FAT3: variants seen among roughly 807,000 people sequenced by gnomAD.
FAT3 encodes FAT atypical cadherin 3.
FAT3 carries 95 observed loss-of-function variants against 310.2 expected under a neutral mutation model. The ratio of observed to expected loss-of-function variants is 0.31; its 90% CI spans 0.26 to 0.36. FAT3 has a LOEUF of 0.36. Among genes scored for constraint, FAT3 ranks in the 10% least tolerant of loss-of-function variants. The probability of loss-of-function intolerance (pLI) is 1.00; values close to 1 mark genes in which losing one functional copy is unlikely to be tolerated. For synonymous variants in FAT3, 2,314 were observed against 2,192.9 expected (o/e 1.06, Z -1.54); for missense variants, 5,408 against 5,715.6 (o/e 0.95, Z 1.74).
At chr11:92,586,335 G>A (rs1939156003) in intron 3 of FAT3, among the ~76,000 whole-genome samples, 1 of 151,948 alleles carries the variant, frequency 6.6e-6, no homozygotes, top group African/African-American at 2.4e-5. Context: ...ACAGCCTGCA[G>A]TCTTAAAAAA....
intron 1 of FAT3, among the ~76,000 whole-genome samples, chr11:92,268,633 G>A (rs1046595036): frequency 6.6e-6 from 1 of 151,944 alleles, no homozygotes; most frequent in African/African-American, 2.4e-5. Flanking sequence ...TTAATCTCTG[G>A]TTGCTCTTCT....
intron 4 of FAT3, among the ~76,000 whole-genome samples, chr11:92,753,769 C>T (rs1361534295): frequency 8.5e-6 from 1 of 118,272 alleles, no homozygotes; most frequent in Non-Finnish European, 1.7e-5. Flanking sequence ...GATAAAGAAA[C>T]TGTGGTGTGT....
chr11:92,484,781 C>T (rs1952327144), intron 2 of FAT3, among the ~76,000 whole-genome samples: 1 of 152,218 alleles, frequency 6.6e-6, no homozygotes, highest in Non-Finnish European at 1.5e-5. Flanking sequence ...TACGCTGCAT[C>T]TTCAGCTAAT....
At chr11:92,870,457 C>T (rs569644025) in intron 22 of FAT3, among the ~76,000 whole-genome samples, 6 of 152,170 alleles carry the variant, frequency 3.9e-5, no homozygotes, top group African/African-American at 1.4e-4. Flanking sequence ...AAGGCTCTCT[C>T]TCGGTAAAGC....
At chr11:92,342,681 T>C (rs1326111725) in intron 1 of FAT3, among the ~76,000 whole-genome samples, 1 of 152,208 alleles carries the variant, frequency 6.6e-6, no homozygotes, top group East Asian at 1.9e-4. Flanking sequence ...CCAAGCTGTT[T>C]TTCCAGAGTA....
chr11:92,396,364 C>CT (rs1232114086), intron 2 of FAT3, among the ~76,000 whole-genome samples: 1 of 152,110 alleles, frequency 6.6e-6, no homozygotes, highest in Non-Finnish European at 1.5e-5. Context: ...TCCTGGCTGC[C>CT]TTTTTGTCTC....
intron 7 of FAT3, among the ~76,000 whole-genome samples, chr11:92,779,253 A>G (rs770801308): frequency 2.6e-5 from 4 of 152,222 alleles, no homozygotes; most frequent in South Asian, 4.1e-4. Flanking sequence ...AGCACTACGA[A>G]GCCATTTTAA....
At chr11:92,429,539 A>C (rs1950716319) in intron 2 of FAT3, among the ~76,000 whole-genome samples, 1 of 152,106 alleles carries the variant, frequency 6.6e-6, no homozygotes. Context: ...CTCCATATTT[A>C]GTGCTGCCTT....
intron 1 of FAT3, among the ~76,000 whole-genome samples, chr11:92,269,492 T>C (rs1003527314): frequency 2.0e-5 from 3 of 152,174 alleles, no homozygotes; most frequent in African/African-American, 7.2e-5. Context: ...GGACATATAC[T>C]TTGAACAAGC....
intron 22 of FAT3, among the ~76,000 whole-genome samples, chr11:92,879,700 A>G (rs770123203): frequency 6.6e-6 from 1 of 152,142 alleles, no homozygotes; most frequent in East Asian, 1.9e-4. Context: ...AGGTGTTCCT[A>G]TGTGGTGAGG....
intron 2 of FAT3, among the ~76,000 whole-genome samples, chr11:92,484,843 A>T (rs926832875): frequency 6.6e-6 from 1 of 152,212 alleles, no homozygotes; most frequent in African/African-American, 2.4e-5. Flanking sequence ...TTAGATGGTT[A>T]CTGTAGTGGG....
At chr11:92,530,721 A>T (rs934444547) in intron 3 of FAT3, among the ~76,000 whole-genome samples, 1 of 152,144 alleles carries the variant, frequency 6.6e-6, no homozygotes, top group Non-Finnish European at 1.5e-5. Flanking sequence ...GTATTTTAAT[A>T]TATGATTATA....
intron 6 of FAT3, among the ~76,000 whole-genome samples, chr11:92,770,269 C>T (rs1946426068): frequency 6.6e-6 from 1 of 152,118 alleles, no homozygotes; most frequent in African/African-American, 2.4e-5. Flanking sequence ...CCTAGAAACA[C>T]TTCATATACT....
chr11:92,550,410 A>C (rs1313724682), intron 3 of FAT3, among the ~76,000 whole-genome samples: 1 of 152,180 alleles, frequency 6.6e-6, no homozygotes, highest in Non-Finnish European at 1.5e-5. Flanking sequence ...GGATATATCT[A>C]TCTGCAGATT....
At chr11:92,243,740 G>T (rs1028364100) in intron 1 of FAT3, among the ~76,000 whole-genome samples, 2 of 151,968 alleles carry the variant, frequency 1.3e-5, no homozygotes, top group African/African-American at 4.8e-5. Context: ...ACAGTACTTT[G>T]GTTTGTGGTC....
At chr11:92,540,832 T>C (rs1303254026) in intron 3 of FAT3, among the ~76,000 whole-genome samples, 1 of 152,072 alleles carries the variant, frequency 6.6e-6, no homozygotes, top group Non-Finnish European at 1.5e-5. Flanking sequence ...AGAACTATGT[T>C]TTTCACAATC....
intron 3 of FAT3, among the ~76,000 whole-genome samples, chr11:92,583,586 T>TGTTCTCTTTGCCAATA (rs1427160347): frequency 6.6e-6 from 1 of 151,934 alleles, no homozygotes; most frequent in African/African-American, 2.4e-5. Flanking sequence ...CCTATTCTGC[T>TGTTCTCTTTGCCAATA]GTTCTCTTTG....
intron 3 of FAT3, among the ~76,000 whole-genome samples, chr11:92,548,840 A>G (rs1954705574): frequency 6.6e-6 from 1 of 152,224 alleles, no homozygotes. Flanking sequence ...ACCAAAGCTT[A>G]TCTGAAGTGA....
intron 2 of FAT3, among the ~76,000 whole-genome samples, chr11:92,358,506 A>G (rs1948794478): frequency 6.6e-6 from 1 of 151,420 alleles, no homozygotes; most frequent in Non-Finnish European, 1.5e-5. Flanking sequence ...CTTAGAAAAC[A>G]CAACTGGGTT....
Sources: allele counts gnomAD v4.1 joint callset (sites outside exome capture counted in the v4.1 genomes callset), GRCh38; gene constraint gnomAD v4.1.1; transcripts MANE v1.5; gene names NCBI Gene and HGNC (gene_info 2026-07-23, HGNC 2026-07-21).